The following CEP112 variants were observed in gnomAD, a reference collection of about 807,000 sequenced individuals.
The protein encoded by CEP112 is centrosomal protein 112.
Under a neutral mutation model 153.0 loss-of-function variants are expected in CEP112, and 127 were observed. The observed-to-expected ratio is 0.83, with a 90% CI of 0.72 to 0.96. The LOEUF is 0.96. Ranked by LOEUF, CEP112 falls within the 40% of genes least tolerant of loss-of-function variation. CEP112 has a pLI of 0.00. For synonymous variants in CEP112, 358 were observed against 374.4 expected (o/e 0.96, Z 0.51); for missense variants, 1,089 against 1,101.2 (o/e 0.99, Z 0.16).
chr17:66,101,021 C>T (rs1329240951), intron 6 of CEP112, among the ~76,000 whole-genome samples: 1 of 152,062 alleles, frequency 6.6e-6, no homozygotes, highest in Non-Finnish European at 1.5e-5. Context: ...ACTCTTGATA[C>T]TGAGAGATGA....
intron 16 of CEP112, among the ~76,000 whole-genome samples, chr17:66,027,169 G>A (rs2065248267): frequency 6.6e-6 from 1 of 152,174 alleles, no homozygotes; most frequent in Admixed American, 6.5e-5. Context: ...TTGAGGCCAG[G>A]AATTCCAGAC....
At chr17:65,916,220 C>T (rs1345286356) in intron 19 of CEP112, among the ~76,000 whole-genome samples, 3 of 151,316 alleles carry the variant, frequency 2.0e-5, no homozygotes, top group African/African-American at 7.3e-5. Flanking sequence ...ATCATTACCT[C>T]ACCCTACCTT....
At chr17:65,721,007 C>G (rs555479289) in intron 23 of CEP112, among the ~76,000 whole-genome samples, 3 of 138,174 alleles carry the variant, frequency 2.2e-5, no homozygotes, top group Non-Finnish European at 3.1e-5. Context: ...CTCTCTCTCT[C>G]TCTTTTTTTT....
At chr17:65,803,714 C>T (rs899235295) in intron 21 of CEP112, among the ~76,000 whole-genome samples, 4 of 152,170 alleles carry the variant, frequency 2.6e-5, no homozygotes, top group African/African-American at 4.8e-5. Context: ...GGATCATCCA[C>T]GTTAGAAGTT....
intron 18 of CEP112, among the ~76,000 whole-genome samples, chr17:65,937,049 C>T (rs993547930): frequency 8.0e-5 from 12 of 149,242 alleles, no homozygotes; most frequent in African/African-American, 2.5e-4. Flanking sequence ...AGCTCCTCAC[C>T]GCGAGTGATC....
At chr17:65,687,080 T>G (rs1379064506) in intron 24 of CEP112, among the ~76,000 whole-genome samples, 1 of 152,006 alleles carries the variant, frequency 6.6e-6, no homozygotes, top group Admixed American at 6.6e-5. Context: ...ATTGTGAAAA[T>G]TAAATGAACC....
intron 23 of CEP112, among the ~76,000 whole-genome samples, chr17:65,729,365 T>A (rs918866980): frequency 1.3e-5 from 2 of 152,148 alleles, no homozygotes; most frequent in African/African-American, 4.8e-5. Context: ...ACTGCATACA[T>A]AAATATGTGC....
At chr17:65,966,924 A>G (rs1306353130) in intron 17 of CEP112, among the ~76,000 whole-genome samples, 1 of 152,242 alleles carries the variant, frequency 6.6e-6, no homozygotes, top group Non-Finnish European at 1.5e-5. Context: ...CAGATTCAAC[A>G]TAATCAATGC....
chr17:66,137,664 T>C (rs1490332151), intron 4 of CEP112, among the ~76,000 whole-genome samples: 2 of 152,158 alleles, frequency 1.3e-5, no homozygotes, highest in African/African-American at 2.4e-5. Context: ...GGATGATATA[T>C]GCAAAGTACT....
intron 20 of CEP112, among the ~76,000 whole-genome samples, chr17:65,894,889 A>C (rs944698025): frequency 6.6e-6 from 1 of 152,138 alleles, no homozygotes; most frequent in Non-Finnish European, 1.5e-5. Context: ...TTTAGAGTTT[A>C]ATTTACCTCA....
At chr17:66,095,840 G>C (rs1390642189) in intron 8 of CEP112, among the ~76,000 whole-genome samples, 1 of 152,064 alleles carries the variant, frequency 6.6e-6, no homozygotes, top group African/African-American at 2.4e-5. Context: ...GAGAAGTCAA[G>C]GTAGGAGGAG....
chr17:65,958,500 G>A (rs192383084), intron 18 of CEP112, among the ~76,000 whole-genome samples: 10 of 128,490 alleles, frequency 7.8e-5, no homozygotes, highest in Middle Eastern at 4.0e-3. Context: ...GCTTGCTCCT[G>A]CTGTCTGGTT....
intron 19 of CEP112, among the ~76,000 whole-genome samples, chr17:65,919,425 T>A (rs775585853): frequency 5.9e-5 from 9 of 152,154 alleles, no homozygotes; most frequent in Non-Finnish European, 1.2e-4. Context: ...TGAAATGCTA[T>A]CATCATAACA....
chr17:65,891,100 T>G (rs1281213530), intron 20 of CEP112, among the ~76,000 whole-genome samples: 1 of 152,124 alleles, frequency 6.6e-6, no homozygotes, highest in South Asian at 2.1e-4. Flanking sequence ...GCCTGGCTCA[T>G]AGTAGGAGCT....
At chr17:65,734,566 T>A (rs193260516) in intron 23 of CEP112, among the ~76,000 whole-genome samples, 78 of 152,336 alleles carry the variant, frequency 5.1e-4, no homozygotes, top group African/African-American at 1.8e-3. Context: ...GAAAAATAAC[T>A]ATTTTCCAAA....
chr17:65,866,003 G>A (rs1267234411), intron 20 of CEP112, among the ~76,000 whole-genome samples: 2 of 151,976 alleles, frequency 1.3e-5, no homozygotes, highest in African/African-American at 2.4e-5. Flanking sequence ...CACTCAGGTC[G>A]GGGCTGTGGA....
At chr17:65,643,494 T>A (rs949262913) in intron 24 of CEP112, among the ~76,000 whole-genome samples, 3 of 151,568 alleles carry the variant, frequency 2.0e-5, no homozygotes, top group African/African-American at 7.3e-5. Context: ...AGAGATGGAG[T>A]TTCACCTTGT....
intron 4 of CEP112, among the ~76,000 whole-genome samples, chr17:66,172,252 T>C (rs1218877623): frequency 6.6e-6 from 1 of 152,092 alleles, no homozygotes; most frequent in East Asian, 1.9e-4. Flanking sequence ...CCTCATGAAA[T>C]TTACAATCTA....
At chr17:65,685,775 C>G (rs537378045) in intron 24 of CEP112, among the ~76,000 whole-genome samples, 1 of 148,646 alleles carries the variant, frequency 6.7e-6, no homozygotes, top group African/African-American at 2.5e-5. Flanking sequence ...CAGGTTCAAG[C>G]GATTCTCCTG....
Sources: gnomAD v4.1 joint callset for allele counts (sites outside exome capture counted in the v4.1 genomes callset) on GRCh38, gnomAD v4.1.1 for gene constraint, MANE v1.5 for transcripts, NCBI Gene and HGNC (gene_info 2026-07-23, HGNC 2026-07-21) for gene names.